The following CPEB1 variants were observed in gnomAD, a reference collection of about 807,000 sequenced individuals.
CPEB1 encodes cytoplasmic polyadenylation element-binding protein 1.
A neutral mutation model predicts 65.8 loss-of-function variants in CPEB1; 7 were observed. The observed-to-expected ratio is 0.11, with a 90% CI of 0.06 to 0.20. The LOEUF (loss-of-function observed/expected upper bound fraction) is 0.20, where lower values mean the gene tolerates loss of function less well. Among genes scored for constraint, CPEB1 ranks in the 10% least tolerant of loss-of-function variants. CPEB1 has a pLI of 1.00. For synonymous variants in CPEB1, 262 were observed against 260.0 expected (o/e 1.01, Z -0.08); for missense variants, 551 against 712.2 (o/e 0.77, Z 2.58).
chr15:82,645,128 A>C (rs1198078658), intron 1 of CPEB1, among the ~76,000 whole-genome samples: 1 of 152,182 alleles, frequency 6.6e-6, no homozygotes, highest in East Asian at 1.9e-4. Flanking sequence ...TGTTTACAAG[A>C]CAAACGGTTC....
chr15:82,604,596 A>C (rs1386050222), intron 3 of CPEB1, among the ~76,000 whole-genome samples: 1 of 152,192 alleles, frequency 6.6e-6, no homozygotes, highest in African/African-American at 2.4e-5. Context: ...TTACATATAA[A>C]AAAGAACCAA....
intron 6 of CPEB1, among the ~76,000 whole-genome samples, 179 bp from the exon 7 acceptor site, chr15:82,554,170 A>C (rs1453243912): frequency 1.3e-5 from 2 of 152,246 alleles, no homozygotes; most frequent in Non-Finnish European, 2.9e-5. Context: ...CAATCCACTC[A>C]GTCAAGTATG....
At position 82,622,588 on chromosome 15, in the gene CPEB1, C is replaced by T. The variant is rs879582573; in HGVS notation, c.271+4605G>A. On this transcript the variant is annotated intron_variant, in intron 3 of 12. Transcript: ENST00000684509. ...TCTATTTTTAATAGAGACAAGGTTT[C>T]GCCATGTTGGTCAGGCTGGTCTCAA... is the stretch of plus-strand genomic sequence containing the variant. Among the ~76,000 whole-genome samples the T allele has an allele frequency of 5.9e-5, 9 of 152,116 alleles. No homozygotes were observed. In the South Asian group the frequency reaches 1.5e-3, roughly 25 times the overall value.
At position 82,580,623 on chromosome 15, in the gene CPEB1, A is replaced by G. The variant is rs565302226; in HGVS notation, c.272-9091T>C. Among the ~76,000 whole-genome samples, 3 of 152,258 alleles carry G rather than the reference A, an allele frequency of 2.0e-5. No individual in the cohort carries two copies. In the East Asian group the frequency reaches 5.8e-4, roughly 29 times the overall value. ...GCAAGCATCACTACTCTTCACCTCT[A>G]GAGCTTTTTTTACGCTAAGCTAAAA... On this transcript the variant is annotated intron_variant, in intron 3 of 12. Transcript: ENST00000684509.
At chr15:82,648,369 C>G (rs587601112), upstream of CPEB1, 2 of 153,088 alleles carry the variant, frequency 1.3e-5, no homozygotes, top group Admixed American at 1.3e-4. Context: ...AGTGATCTCT[C>G]CAGGGCGAGA....
upstream of CPEB1, chr15:82,647,398 G>A: frequency 6.4e-6 from 1 of 155,384 alleles, no homozygotes. Flanking sequence ...GCCCCGTCCC[G>A]CCCGGGCGCC....
intron 3 of CPEB1, among the ~76,000 whole-genome samples, chr15:82,606,014 G>A (rs1479498489): frequency 2.0e-5 from 3 of 151,886 alleles, no homozygotes; most frequent in Non-Finnish European, 2.9e-5. Context: ...CTCCAGCCTG[G>A]GCAACAACAG....
chr15:82,597,111 G>T (rs1353371464), intron 3 of CPEB1, among the ~76,000 whole-genome samples: 1 of 152,164 alleles, frequency 6.6e-6, no homozygotes, highest in African/African-American at 2.4e-5. Flanking sequence ...GATCGCTTGA[G>T]CCCAGGAGTT....
At chr15:82,562,111 A>G in intron 4 of CPEB1, 1 of 431,926 alleles carries the variant, frequency 2.3e-6, no homozygotes, top group Non-Finnish European at 4.5e-6. Context: ...AATGAGTGAC[A>G]GAGACTGGAT....
intron 3 of CPEB1, among the ~76,000 whole-genome samples, chr15:82,592,792 C>T (rs767759867): frequency 1.3e-5 from 2 of 151,782 alleles, no homozygotes; most frequent in Admixed American, 1.3e-4. Flanking sequence ...GTCAGGAGAT[C>T]GAGACCATCC....
At position 82,571,362 on chromosome 15, in the gene CPEB1, G is replaced by T; in HGVS notation, c.442C>A (p.Gln148Lys). Residue 148 changes from glutamine (Q) to lysine (K), a missense_variant, in exon 4 of 13, where the codon CAG becomes AAG. Gln to Lys is a moderately conservative substitution (Grantham distance 53, BLOSUM62 1). Around this residue, in one of 6 missense-constraint regions of CPEB1, gnomAD observed 223 missense variants for 228.6 expected, o/e 0.98. Transcript: ENST00000684509. The part of the protein sequence containing the change: ...WSTQDSDSSA[Q>K]SSTHSVLSML... ...CACTCACCCGAGTGTGTGCTGCTCT[G>T]GGCTGAGGAATCTGAGTCCTGGGTG... 1 of 1,614,016 alleles carries T rather than the reference G, an allele frequency of 6.2e-7. No individual in the cohort carries two copies. Among genetic ancestry groups the T allele is most frequent in the Non-Finnish European group, 8.5e-7 (1 of 1,179,972 alleles).
At chr15:82,610,957 T>TAAAAAAAAAAAA (rs2044079147) in intron 3 of CPEB1, among the ~76,000 whole-genome samples, 1 of 18,436 alleles carries the variant, frequency 5.4e-5, no homozygotes, top group Non-Finnish European at 9.1e-5. Context: ...GACTCCAGTC[T>TAAAAAAAAAAAA]CAAAAAAAAA....
chr15:82,576,902 G>T (rs1205054198), intron 3 of CPEB1, among the ~76,000 whole-genome samples: 1 of 152,118 alleles, frequency 6.6e-6, no homozygotes, highest in Non-Finnish European at 1.5e-5. Context: ...GTGCACACTT[G>T]TAGTCACAGC....
chr15:82,600,886 C>A (rs1282947477), intron 3 of CPEB1, among the ~76,000 whole-genome samples: 2 of 148,496 alleles, frequency 1.3e-5, no homozygotes, highest in African/African-American at 2.5e-5. Flanking sequence ...TTTAAAGAAC[C>A]CAGAACTTGT....
At chr15:82,588,295 A>C (rs1478269435) in intron 3 of CPEB1, among the ~76,000 whole-genome samples, 1 of 152,070 alleles carries the variant, frequency 6.6e-6, no homozygotes, top group Non-Finnish European at 1.5e-5. Context: ...AGAGTTAATA[A>C]AATAATAGCA....
In CPEB1 at chr15:82,574,722, C is replaced by CAAAAAAAAAAAAAAAAAA. The variant is rs534968367; in HGVS notation, c.272-3208_272-3191dup. Among the ~76,000 whole-genome samples the CAAAAAAAAAAAAAAAAAA allele has an allele frequency of 3.2e-4, 17 of 53,506 alleles. 1 individual carries two copies. The highest frequency in any genetic ancestry group is 6.5e-4 in the Admixed American group (2 of 3,086). 35.1% of individuals were successfully genotyped at this position (53,506 alleles called of 152,430 possible). A position where few individuals can be genotyped will look rare whatever the true frequency, so the allele number is the denominator to read the frequency against. The stretch of plus-strand genomic sequence containing the variant: ...TGGGCAACAGAGCTAGACTCGGTCT[C>CAAAAAAAAAAAAAAAAAA]AAAAAAAAAAAAAAAAAAAAAAAAA... On this transcript the variant is annotated intron_variant, in intron 3 of 12. Coordinates refer to ENST00000684509, the MANE Select transcript of CPEB1 (RefSeq NM_001365242.1).
intron 1 of CPEB1, among the ~76,000 whole-genome samples, chr15:82,634,498 C>T (rs2046499884): frequency 6.6e-6 from 1 of 152,142 alleles, no homozygotes; most frequent in Admixed American, 6.5e-5. Context: ...TAATGGACAA[C>T]ATAATACCAA....
At position 82,543,432 on chromosome 15, in the gene CPEB1, G is replaced by C. The variant is rs2034607262; in HGVS notation, c.*1160C>G. 7.4e-6 allele frequency: 1 copy of C among 134,726 alleles called. No individual in the cohort carries two copies. Among genetic ancestry groups the C allele is most frequent in the Non-Finnish European group, 1.5e-5 (1 of 64,814 alleles). The allele number at this position is 134,726 out of a possible 1,614,324, so 8.3% of individuals were successfully genotyped here. ...CACACAGCTTCCCTAGGAGGGGCAA[G>C]TAGTTTTTGTGGGTTTTTTGTTTCT... On this transcript the variant is annotated 3_prime_UTR_variant, in exon 13 of 13. Transcript: ENST00000684509.
intron 3 of CPEB1, among the ~76,000 whole-genome samples, chr15:82,586,343 G>A (rs958069144): frequency 6.2e-4 from 93 of 151,120 alleles, no homozygotes; most frequent in African/African-American, 2.2e-3. Context: ...ACATCAATAA[G>A]CCAGTACTTA....
Sources: gnomAD v4.1 joint callset for allele counts (sites outside exome capture counted in the v4.1 genomes callset) on GRCh38, gnomAD v4.1.1 for gene constraint, gnomAD v4.1.1 regional missense constraint, MANE v1.5 for transcripts, NCBI Gene and HGNC (gene_info 2026-07-23, HGNC 2026-07-21) for gene names.